The following AKAP6 variants were observed in gnomAD, a reference collection of about 807,000 sequenced individuals.
AKAP6 encodes the protein A-kinase anchor protein 6.
AKAP6 carries 58 observed loss-of-function variants against 188.5 expected under a neutral mutation model. The observed-to-expected ratio is 0.31, with a 90% CI of 0.25 to 0.38. The LOEUF (loss-of-function observed/expected upper bound fraction) is 0.38. Among genes scored for constraint, AKAP6 ranks in the 10% least tolerant of loss-of-function variants. The pLI is 1.00. For missense variants in AKAP6, 2,710 were observed against 2,740.0 expected, an observed-to-expected ratio of 0.99 and a Z score of 0.24; for synonymous variants, 989 against 998.6, an observed-to-expected ratio of 0.99 and a Z score of 0.18.
At chr14:32,691,868 C>T (rs1890193737) in intron 8 of AKAP6, among the ~76,000 whole-genome samples, 1 of 152,104 alleles carries the variant, frequency 6.6e-6, no homozygotes, top group Non-Finnish European at 1.5e-5. Flanking sequence ...TTTGATTTGC[C>T]ACTGTTATAT....
At chr14:32,577,827 AT>A (rs1884797786) in intron 5 of AKAP6, among the ~76,000 whole-genome samples, 1 of 152,138 alleles carries the variant, frequency 6.6e-6, no homozygotes, top group Non-Finnish European at 1.5e-5. Context: ...TTGCTTCTGA[AT>A]GTTAAAAGCA....
intron 2 of AKAP6, among the ~76,000 whole-genome samples, chr14:32,516,697 G>C (rs114051753): frequency 7.9e-5 from 12 of 152,232 alleles, no homozygotes; most frequent in African/African-American, 2.9e-4. Context: ...AAGATATTAG[G>C]TAAAAACCCT....
Position 32,691,778 on chromosome 14 carries a change from C to A in AKAP6, c.2880-4212C>A, listed in dbSNP as rs557866290. Among the ~76,000 whole-genome samples, 353 of 152,166 alleles carry A rather than the reference C, an allele frequency of 2.3e-3. 1 individual carries two copies. Among genetic ancestry groups the A allele is most frequent in the African/African-American group, 8.3e-3 (345 of 41,522 alleles). On this transcript the variant is annotated intron_variant, in intron 8 of 13. Coordinates refer to ENST00000280979, the MANE Select transcript of AKAP6 (RefSeq NM_004274.5). The stretch of plus-strand genomic sequence containing the variant: ...TTCACCATGTTGGCCAGGCTAGTCT[C>A]AAACTCCTGACCTCAGGTGATCTAT...
intron 9 of AKAP6, among the ~76,000 whole-genome samples, chr14:32,705,313 A>AT (rs1890768709): frequency 1.3e-5 from 2 of 152,212 alleles, no homozygotes. Context: ...TTAAATATCA[A>AT]TTTTAATATC....
intron 2 of AKAP6, among the ~76,000 whole-genome samples, chr14:32,507,707 T>C (rs372713297): frequency 7.2e-5 from 11 of 152,332 alleles, no homozygotes; most frequent in African/African-American, 2.6e-4. Flanking sequence ...AAGAATTCAG[T>C]GTGGCCTGGG....
At chr14:32,820,722 G>C (rs2034497432) in intron 12 of AKAP6, among the ~76,000 whole-genome samples, 1 of 152,100 alleles carries the variant, frequency 6.6e-6, no homozygotes, top group Non-Finnish European at 1.5e-5. Flanking sequence ...GAGCATTCAG[G>C]GTCTAGGAAG....
chr14:32,359,091 G>T (rs1372672349), intron 1 of AKAP6, among the ~76,000 whole-genome samples: 1 of 152,046 alleles, frequency 6.6e-6, no homozygotes, highest in Non-Finnish European at 1.5e-5. Context: ...GGATTAAAAG[G>T]GCCCTTGCCT....
At chr14:32,423,280 C>A (rs984312834) in intron 1 of AKAP6, among the ~76,000 whole-genome samples, 1 of 152,124 alleles carries the variant, frequency 6.6e-6, no homozygotes, top group Non-Finnish European at 1.5e-5. Context: ...GATGATCCTC[C>A]CACCTCAGCC....
At chr14:32,354,205 A>G (rs1887399156) in intron 1 of AKAP6, among the ~76,000 whole-genome samples, 1 of 151,934 alleles carries the variant, frequency 6.6e-6, no homozygotes, top group Non-Finnish European at 1.5e-5. Context: ...CTGACTTCAA[A>G]CTATACTACA....
rs1225291138 is a variant in AKAP6, at chr14:32,823,071, G to A, written c.5258G>A (p.Ser1753Asn). The stretch of plus-strand genomic sequence containing the variant: ...GCTTGCACTGATGATGAAGATGACA[G>A]CGACCTGCTCTCCAGCTCTACCCTT... ...TSACTDDEDD[S>N]DLLSSSTLTL... Residue 1753 changes from serine to asparagine, a missense_variant, in exon 13 of 14, where the codon AGC becomes AAC. Ser to Asn is a conservative substitution (Grantham distance 46, BLOSUM62 1). Around this residue, in one of 2 missense-constraint regions of AKAP6, gnomAD observed 2,473 missense variants for 2,426.1 expected, o/e 1.02. Transcript: ENST00000280979. The A allele has an allele frequency of 6.2e-7, 1 of 1,613,754 alleles. No individual in the cohort carries two copies. Among genetic ancestry groups the A allele is most frequent in the Admixed American group, 1.7e-5 (1 of 59,924 alleles).
At chr14:32,731,798 GA>G (rs1239942763) in intron 9 of AKAP6, among the ~76,000 whole-genome samples, 2 of 152,028 alleles carry the variant, frequency 1.3e-5, no homozygotes, top group Non-Finnish European at 2.9e-5. Flanking sequence ...CATCTTTTAG[GA>G]GAGACTCTCT....
At chr14:32,750,930 T>C (rs1433955956) in intron 11 of AKAP6, among the ~76,000 whole-genome samples, 1 of 151,240 alleles carries the variant, frequency 6.6e-6, no homozygotes, top group East Asian at 2.0e-4. Context: ...AGAGATGGGG[T>C]TTCACCATGT....
chr14:32,352,743 T>G (rs1439755322), intron 1 of AKAP6, among the ~76,000 whole-genome samples: 1 of 152,252 alleles, frequency 6.6e-6, no homozygotes, highest in African/African-American at 2.4e-5. Flanking sequence ...AGATTTCATT[T>G]TTTAGTGGCT....
intron 11 of AKAP6, among the ~76,000 whole-genome samples, chr14:32,761,011 C>T (rs2032517974): frequency 1.3e-5 from 2 of 152,192 alleles, no homozygotes; most frequent in South Asian, 4.1e-4. Context: ...TTGCCTTGAG[C>T]TTCCACCACA....
At chr14:32,561,610 G>T (rs112183380) in intron 4 of AKAP6, among the ~76,000 whole-genome samples, 2 of 152,170 alleles carry the variant, frequency 1.3e-5, no homozygotes, top group African/African-American at 4.8e-5. Context: ...GTGAATGTGA[G>T]GCTGTGACAT....
chr14:32,742,102 TA>T (rs2031706162), intron 11 of AKAP6, among the ~76,000 whole-genome samples: 1 of 151,926 alleles, frequency 6.6e-6, no homozygotes, highest in African/African-American at 2.4e-5. Flanking sequence ...TCAATCTTGA[TA>T]GGTTGTATGT....
chr14:32,400,042 C>T (rs1299823406), intron 1 of AKAP6, among the ~76,000 whole-genome samples: 1 of 152,074 alleles, frequency 6.6e-6, no homozygotes, highest in East Asian at 1.9e-4. Context: ...GCAATGACAT[C>T]TGGGAATCCA....
chr14:32,820,952 G>A (rs1240081769), intron 12 of AKAP6, among the ~76,000 whole-genome samples: 4 of 151,502 alleles, frequency 2.6e-5, no homozygotes, highest in Non-Finnish European at 4.4e-5. Context: ...ATAGAGGCAA[G>A]AAGGAGTTTG....
chr14:32,744,736 A>G (rs1340206779), intron 11 of AKAP6, among the ~76,000 whole-genome samples: 1 of 152,126 alleles, frequency 6.6e-6, no homozygotes. Flanking sequence ...TTTAAGGCCA[A>G]TAACTCTTAG....
Sources: gnomAD v4.1 joint callset for allele counts (sites outside exome capture counted in the v4.1 genomes callset) on GRCh38, gnomAD v4.1.1 for gene constraint, gnomAD v4.1.1 regional missense constraint, MANE v1.5 for transcripts, NCBI Gene and HGNC (gene_info 2026-07-23, HGNC 2026-07-21) for gene names.